CHN2: variants seen among roughly 807,000 people sequenced by gnomAD.
The protein encoded by CHN2 is chimerin 2, also known as beta-chimaerin.
Under a neutral mutation model 56.3 loss-of-function variants are expected in CHN2, and 35 were observed. That is an observed-to-expected ratio of 0.62 (90% CI 0.47 to 0.82). CHN2 has a LOEUF of 0.82. Ranked by LOEUF, CHN2 falls within the 40% of genes least tolerant of loss-of-function variation. The pLI is 0.00. For missense variants in CHN2, 491 were observed against 580.5 expected (o/e 0.85, Z 1.58); for synonymous variants, 210 against 212.8 (o/e 0.99, Z 0.12).
intron 6 of CHN2, among the ~76,000 whole-genome samples, chr7:29,447,897 C>T (rs1018841621): frequency 9.9e-5 from 15 of 152,190 alleles, no homozygotes; most frequent in African/African-American, 3.6e-4. Context: ...ATTAGAATCA[C>T]TGGGAGAACT....
At chr7:29,387,063 G>A (rs1800969502) in intron 3 of CHN2, among the ~76,000 whole-genome samples, 1 of 152,184 alleles carries the variant, frequency 6.6e-6, no homozygotes, top group Non-Finnish European at 1.5e-5. Context: ...GTGACCTCAT[G>A]CTATTTAGTG....
chr7:29,212,078 A>T (rs952568067), intron 1 of CHN2, among the ~76,000 whole-genome samples: 2 of 152,150 alleles, frequency 1.3e-5, no homozygotes, highest in Non-Finnish European at 2.9e-5. Flanking sequence ...TTCAGATGGT[A>T]TCTCTAAAAG....
At chr7:29,494,906 A>G (rs1302940436) in intron 7 of CHN2, among the ~76,000 whole-genome samples, 2 of 139,098 alleles carry the variant, frequency 1.4e-5, no homozygotes, top group Non-Finnish European at 3.0e-5. Context: ...CCAAATTGTG[A>G]CCACACTCAT....
intron 1 of CHN2, among the ~76,000 whole-genome samples, chr7:29,326,092 G>A (rs1044533389): frequency 1.3e-5 from 2 of 152,034 alleles, no homozygotes; most frequent in South Asian, 2.1e-4. Flanking sequence ...TGCAAGTCAC[G>A]TCACCTCTTT....
intron 6 of CHN2, among the ~76,000 whole-genome samples, chr7:29,455,016 A>G (rs1784651779): frequency 6.6e-6 from 1 of 152,180 alleles, no homozygotes; most frequent in African/African-American, 2.4e-5. Flanking sequence ...AACCTGTGGC[A>G]TGCTGCTAGT....
chr7:29,302,356 TCTCA>T (rs1793754753), intron 1 of CHN2, among the ~76,000 whole-genome samples: 1 of 151,954 alleles, frequency 6.6e-6, no homozygotes, highest in South Asian at 2.1e-4. Context: ...TCTTCCAGAG[TCTCA>T]CTGTGTTGCC....
intron 1 of CHN2, among the ~76,000 whole-genome samples, chr7:29,211,321 G>A (rs369344265): frequency 4.7e-4 from 71 of 151,484 alleles, no homozygotes; most frequent in Admixed American, 2.8e-3. Flanking sequence ...CTCGTGATCC[G>A]CCTGCCTCAG....
At chr7:29,222,615 T>C (rs1384237988) in intron 1 of CHN2, among the ~76,000 whole-genome samples, 2 of 152,168 alleles carry the variant, frequency 1.3e-5, no homozygotes, top group Non-Finnish European at 2.9e-5. Flanking sequence ...CTGAAGATTA[T>C]TTAAATAAAT....
intron 2 of CHN2, among the ~76,000 whole-genome samples, chr7:29,147,901 T>G (rs1223697904): frequency 1.3e-5 from 2 of 152,172 alleles, no homozygotes; most frequent in Non-Finnish European, 2.9e-5. Context: ...AAGGCCAGAT[T>G]GAAACTTTGG....
intron 10 of CHN2, among the ~76,000 whole-genome samples, chr7:29,505,401 A>G (rs765705001): frequency 7.9e-5 from 12 of 152,138 alleles, no homozygotes; most frequent in Non-Finnish European, 1.2e-4. Flanking sequence ...TGGAAGCCCT[A>G]CTGGATAGAG....
At chr7:29,184,909 A>T (rs1393163872) in intron 2 of CHN2, among the ~76,000 whole-genome samples, 1 of 152,200 alleles carries the variant, frequency 6.6e-6, no homozygotes, top group African/African-American at 2.4e-5. Context: ...TTATGTGGAT[A>T]AGGACAAAAA....
At position 29,248,986 on chromosome 7, in the gene CHN2, T is replaced by G. The variant is rs184671852; in HGVS notation, c.49+53996T>G. ...CTCTTGAGGAGTTCTGTGATTCCAG[T>G]AGTCAAAAACAAGTTCTTCTTTTGC... On this transcript the variant is annotated intron_variant, in intron 1 of 12. Transcript: ENST00000222792. Among the ~76,000 whole-genome samples the G allele has an allele frequency of 1.6e-3, 237 of 152,314 alleles. 2 individuals carry two copies. The highest frequency in any genetic ancestry group is 5.6e-3 in the African/African-American group (231 of 41,564).
At chr7:29,461,368 A>G (rs1242039377) in intron 6 of CHN2, among the ~76,000 whole-genome samples, 1 of 152,208 alleles carries the variant, frequency 6.6e-6, no homozygotes, top group Non-Finnish European at 1.5e-5. Flanking sequence ...AGATGAACAA[A>G]GAAGGATGAT....
At chr7:29,184,288 A>G (rs1410071658) in intron 2 of CHN2, 6 of 150,948 alleles carry the variant, frequency 4.0e-5, no homozygotes, top group Non-Finnish European at 8.8e-5. Context: ...TGATATATAT[A>G]TTTAGGAATA....
At chr7:29,196,284 G>A (rs1470105261) in intron 1 of CHN2, among the ~76,000 whole-genome samples, 5 of 152,188 alleles carry the variant, frequency 3.3e-5, no homozygotes, top group African/African-American at 1.2e-4. Flanking sequence ...TTTACTTCCT[G>A]GGAAATGGCA....
At chr7:29,237,402 T>G (rs888915458) in intron 1 of CHN2, among the ~76,000 whole-genome samples, 10 of 152,178 alleles carry the variant, frequency 6.6e-5, no homozygotes, top group East Asian at 3.9e-4. Flanking sequence ...AACCGCATAT[T>G]TTTGGAGGAA....
chr7:29,467,195 C>T (rs1183810916), intron 6 of CHN2, among the ~76,000 whole-genome samples: 3 of 152,116 alleles, frequency 2.0e-5, no homozygotes, highest in African/African-American at 7.2e-5. Flanking sequence ...AAACCATCTC[C>T]TTAGGATAGA....
intron 2 of CHN2, among the ~76,000 whole-genome samples, chr7:29,170,656 TC>T (rs1278520437): frequency 6.6e-6 from 1 of 152,228 alleles, no homozygotes; most frequent in Non-Finnish European, 1.5e-5. Context: ...TTCTGTAATA[TC>T]TAATCTCAGG....
chr7:29,240,918 C>T (rs992761071), intron 1 of CHN2, among the ~76,000 whole-genome samples: 5 of 151,790 alleles, frequency 3.3e-5, no homozygotes, highest in African/African-American at 1.2e-4. Flanking sequence ...TCTAGTCTCA[C>T]TGTGTTACCC....
Sources: gnomAD v4.1 joint callset for allele counts (sites outside exome capture counted in the v4.1 genomes callset) on GRCh38, gnomAD v4.1.1 for gene constraint, MANE v1.5 for transcripts, NCBI Gene and HGNC (gene_info 2026-07-23, HGNC 2026-07-21) for gene names.